The following ESRRB variants were observed in gnomAD, a reference collection of about 807,000 sequenced individuals.
ESRRB encodes the protein estrogen related receptor beta, also known as steroid hormone receptor ERR2.
A neutral mutation model predicts 46.0 loss-of-function variants in ESRRB; 16 were observed. The observed-to-expected ratio is 0.35, with a 90% confidence interval of 0.24 to 0.53. The LOEUF (loss-of-function observed/expected upper bound fraction) is 0.53. Among genes scored for constraint, ESRRB ranks in the 20% least tolerant of loss-of-function variants. The pLI, the probability that ESRRB is intolerant of heterozygous loss-of-function variation, is 0.93. For synonymous variants in ESRRB, 246 were observed against 259.6 expected (o/e 0.95, Z 0.50); for missense variants, 488 against 607.4 (o/e 0.80, Z 2.07).
intron 3 of ESRRB, among the ~76,000 whole-genome samples, chr14:76,469,929 G>GTTTTTTTT (rs769935944): frequency 4.1e-4 from 32 of 78,726 alleles, no homozygotes; most frequent in African/African-American, 4.8e-4. Flanking sequence ...GTTTTTTGTT[G>GTTTTTTTT]TTTTTTTTTT....
chr14:76,407,526 C>T lies in ESRRB; in HGVS notation c.50+31075C>T, dbSNP rs1281741314. 1.4e-5 allele frequency: 14 copies of T among 985,262 alleles called. No homozygotes were observed. In the East Asian group the frequency reaches 1.1e-3, roughly 80 times the overall value. The allele number at this position is 985,262 out of a possible 1,614,324, so 61.0% of individuals were successfully genotyped here. ...TAAGTGCGATCTTACTCTAGCTTTCCCATCTGTTCTGTTTAGGCCAGAGGT... is the reference window on the plus strand; with the variant it reads ...TAAGTGCGATCTTACTCTAGCTTTCTCATCTGTTCTGTTTAGGCCAGAGGT... On this transcript the variant is annotated intron_variant, in intron 1 of 6. Transcript: ENST00000644823.
chr14:76,439,774 C>T (rs1595119585), intron 2 of ESRRB, 24 bp downstream of exon 2: 1 of 1,610,382 alleles, frequency 6.2e-7, no homozygotes, highest in South Asian at 1.1e-5. Context: ...CTCAAGGAGC[C>T]TGGGCGCAGG....
At chr14:76,357,304 A>G (rs74069819) in intron 1 of ESRRB, among the ~76,000 whole-genome samples, 6,143 of 152,314 alleles carry the variant, frequency 0.04, 179 homozygotes, top group East Asian at 0.12. Flanking sequence ...AAAGAGCCCT[A>G]ATAAAACATT....
chr14:76,385,624 T>G (rs909877561), intron 1 of ESRRB, among the ~76,000 whole-genome samples: 4 of 152,218 alleles, frequency 2.6e-5, no homozygotes, highest in African/African-American at 9.6e-5. Flanking sequence ...GCCAGCTTAC[T>G]GCTGACTGTT....
chr14:76,420,565 G>A lies in ESRRB; in HGVS notation c.51-18776G>A, dbSNP rs529009776. On this transcript the variant is annotated intron_variant, in intron 1 of 6. Transcript: ENST00000644823. ...CTTCTCCTACAGGGTGTGAGTGTGT[G>A]TGTGTGTGTGTGTGTGTGTGTGTGT... Among the ~76,000 whole-genome samples the A allele has an allele frequency of 1.1e-3, 150 of 134,466 alleles. 5 individuals carry two copies. The East Asian group carries it at 0.042, about 38-fold the overall frequency. The allele number at this position is 134,466 out of a possible 152,430, so 88.2% of individuals were successfully genotyped here.
At chr14:76,418,291 T>G (rs1443220865) in intron 1 of ESRRB, among the ~76,000 whole-genome samples, 1 of 152,150 alleles carries the variant, frequency 6.6e-6, no homozygotes, top group East Asian at 1.9e-4. Context: ...AATGAAATTG[T>G]TTTTTGGCTT....
At chr14:76,488,792 C>T (rs1302689231) in intron 5 of ESRRB, among the ~76,000 whole-genome samples, 1 of 152,140 alleles carries the variant, frequency 6.6e-6, no homozygotes, top group Non-Finnish European at 1.5e-5. Flanking sequence ...TCCACAAAGC[C>T]TCCCCAGACT....
chr14:76,338,022 T>C (rs1484198851), intron 1 of ESRRB, among the ~76,000 whole-genome samples: 2 of 152,174 alleles, frequency 1.3e-5, no homozygotes, highest in African/African-American at 2.4e-5. Context: ...GGGGCCCCTC[T>C]TTCTGATTGC....
intron 1 of ESRRB, among the ~76,000 whole-genome samples, chr14:76,311,389 G>A (rs1595041145): frequency 1.3e-5 from 2 of 152,252 alleles, no homozygotes; most frequent in Non-Finnish European, 2.9e-5. Flanking sequence ...AGGTAATGAT[G>A]GGAGCTCCTG....
chr14:76,398,981 G>T (rs1281238574), intron 1 of ESRRB, among the ~76,000 whole-genome samples: 1 of 152,124 alleles, frequency 6.6e-6, no homozygotes, highest in African/African-American at 2.4e-5. Context: ...TGGGTTAGGG[G>T]TTTTTTAAAT....
chr14:76,408,708 G>T (rs1019881057), intron 1 of ESRRB, among the ~76,000 whole-genome samples: 3 of 152,036 alleles, frequency 2.0e-5, no homozygotes, highest in Admixed American at 2.0e-4. Context: ...GAATGAGCAA[G>T]GTGCTGGAGG....
In ESRRB at chr14:76,499,558, T is replaced by A. The variant is rs1305707842; in HGVS notation, c.*1100T>A. 1 of 471,992 alleles carries A rather than the reference T, an allele frequency of 2.1e-6. No individual in the cohort carries two copies. Among genetic ancestry groups the A allele is most frequent in the Admixed American group, 3.3e-5 (1 of 29,988 alleles). The allele number at this position is 471,992 out of a possible 1,614,324, so 29.2% of individuals were successfully genotyped here. On this transcript the variant is annotated 3_prime_UTR_variant, in exon 7 of 7. Coordinates refer to ENST00000644823, the MANE Select transcript of ESRRB (RefSeq NM_001379180.1). ...TGGCTTCCCTTCCCTGCACTCAGCATCATGCCACAGGGCTAGTGTACCAGT... is the reference window on the plus strand; with the variant it reads ...TGGCTTCCCTTCCCTGCACTCAGCAACATGCCACAGGGCTAGTGTACCAGT...
intron 1 of ESRRB, among the ~76,000 whole-genome samples, chr14:76,377,279 A>G (rs1884813146): frequency 6.6e-6 from 1 of 152,194 alleles, no homozygotes; most frequent in African/African-American, 2.4e-5. Flanking sequence ...AGAGTGGGAA[A>G]GTGAACTGAT....
At chr14:76,466,636 T>C (rs1297164042) in intron 3 of ESRRB, among the ~76,000 whole-genome samples, 1 of 152,172 alleles carries the variant, frequency 6.6e-6, no homozygotes, top group Non-Finnish European at 1.5e-5. Context: ...TTTTCTCTTT[T>C]AAAAACTGAA....
At chr14:76,435,183 G>A (rs1887622632) in intron 1 of ESRRB, among the ~76,000 whole-genome samples, 1 of 152,246 alleles carries the variant, frequency 6.6e-6, no homozygotes, top group Non-Finnish European at 1.5e-5. Context: ...TCCTGAGAGT[G>A]AGGAAAACAT....
upstream of ESRRB, among the ~76,000 whole-genome samples, chr14:76,372,603 A>G (rs1264175686): frequency 6.6e-6 from 1 of 152,064 alleles, no homozygotes; most frequent in African/African-American, 2.4e-5. Context: ...AGGCCAACTC[A>G]GGCAGATCAC....
chr14:76,399,123 A>G (rs12882915), intron 1 of ESRRB, among the ~76,000 whole-genome samples: 34,781 of 151,920 alleles, frequency 0.23, 4,583 homozygotes, highest in Admixed American at 0.3. Flanking sequence ...GCAGATGTGG[A>G]TGGTCTGGGA....
chr14:76,337,040 G>C (rs1884134614), intron 1 of ESRRB, among the ~76,000 whole-genome samples: 1 of 152,064 alleles, frequency 6.6e-6, no homozygotes, highest in Admixed American at 6.6e-5. Flanking sequence ...TTCAAGCAGA[G>C]GGTACATGTA....
intron 1 of ESRRB, among the ~76,000 whole-genome samples, chr14:76,327,016 G>A (rs900553899): frequency 1.3e-5 from 2 of 152,258 alleles, no homozygotes; most frequent in African/African-American, 4.8e-5. Flanking sequence ...CCTGGGCCGG[G>A]TGACCTCGCA....
Sources: allele counts gnomAD v4.1 joint callset (sites outside exome capture counted in the v4.1 genomes callset), GRCh38; gene constraint gnomAD v4.1.1; transcripts MANE v1.5; gene names NCBI Gene and HGNC (gene_info 2026-07-23, HGNC 2026-07-21).